Variants in CEP68 observed in about 807,000 individuals in gnomAD.
CEP68 encodes centrosomal protein of 68 kDa.
A neutral mutation model predicts 55.3 loss-of-function variants in CEP68; 26 were observed. The ratio of observed to expected loss-of-function variants is 0.47; its 90% CI spans 0.34 to 0.65. The LOEUF (loss-of-function observed/expected upper bound fraction) is 0.65, where lower values mean the gene tolerates loss of function less well. CEP68 is among the 30% of genes least tolerant of loss of function. CEP68 has a pLI of 0.01. For missense variants in CEP68, 957 were observed against 946.7 expected (o/e 1.01, Z -0.14); for synonymous variants, 402 against 383.2 (o/e 1.05, Z -0.57).
Position 65,071,625 on chromosome 2 carries a change from T to C in CEP68, c.529T>C (p.Cys177Arg), listed in dbSNP as rs1676466633. The change falls in exon 3 of 7, where the codon TGC becomes CGC. Residue 177 changes from cysteine to arginine, a missense_variant. Cys to Arg is a radical substitution (Grantham distance 180, BLOSUM62 -3). Coordinates refer to ENST00000377990, the MANE Select transcript of CEP68 (RefSeq NM_015147.3). ...GCAGCCTCACAGCTCAGGTCTCTCT[T>C]GCCTGTCACAGTGGAAGTCCGTGCT... ...SQQPHSSGLS[C>R]LSQWKSVLSP... 6.2e-7 allele frequency: 1 copy of C among 1,614,134 alleles called. No individual in the cohort carries two copies. The highest frequency in any genetic ancestry group is 2.2e-5 in the East Asian group (1 of 44,868).
intron 1 of CEP68, among the ~76,000 whole-genome samples, chr2:65,063,693 A>G (rs1201189382): frequency 6.6e-6 from 1 of 152,222 alleles, no homozygotes; most frequent in Non-Finnish European, 1.5e-5. Context: ...ATGCAGTGTT[A>G]CAGATGGCCA....
At position 65,073,295 on chromosome 2, in the gene CEP68, CCTAA is replaced by C. The variant is rs139855844; in HGVS notation, c.1884+318_1884+321del. 507 of 410,268 alleles carry C rather than the reference CCTAA, an allele frequency of 1.2e-3. 8 individuals carry two copies. In the East Asian group the frequency reaches 0.025, roughly 20 times the overall value. 25.4% of individuals were successfully genotyped at this position (410,268 alleles called of 1,614,324 possible). ...TCTTAGCCACTACCCTTGGCTGCTT[CCTAA>C]CTCAGAGGTATTCTGAACAAAAAAG... On this transcript the variant is annotated intron_variant, in intron 3 of 6. Coordinates refer to ENST00000377990, the MANE Select transcript of CEP68 (RefSeq NM_015147.3).
Position 65,072,536 on chromosome 2 carries a change from C to T in CEP68, c.1440C>T (p.Asp480=), listed in dbSNP as rs771219297. Residue 480 remains aspartate, a synonymous_variant, in exon 3 of 7, where the codon GAC becomes GAT. Coordinates refer to ENST00000377990, the MANE Select transcript of CEP68 (RefSeq NM_015147.3). The part of the protein sequence containing the change: ...WKSEEEVESD[D]EYLALPARLT... ...CAGAAGAGGAAGTGGAAAGTGATGA[C>T]GAGTATCTTGCCCTCCCCGCTCGGC... 18 of 1,613,918 alleles carry T rather than the reference C, an allele frequency of 1.1e-5. No individual in the cohort carries two copies. Among genetic ancestry groups the T allele is most frequent in the Middle Eastern group, 1.6e-4 (1 of 6,084 alleles).
chr2:65,070,238 CA>C (rs1490783752), intron 2 of CEP68, among the ~76,000 whole-genome samples: 1 of 152,284 alleles, frequency 6.6e-6, no homozygotes, highest in East Asian at 1.9e-4. Flanking sequence ...AGGGACATGT[CA>C]GAACCTTGGA....
In CEP68 at chr2:65,069,588, G is replaced by A; in HGVS notation, c.144G>A (p.Glu48=). 1.2e-6 allele frequency: 2 copies of A among 1,613,924 alleles called. No homozygotes were observed. Among genetic ancestry groups the A allele is most frequent in the Non-Finnish European group, 1.7e-6 (2 of 1,179,846 alleles). The change falls in exon 2 of 7, where the codon GAG becomes GAA. Residue 48 remains glutamate, a synonymous_variant. Coordinates refer to ENST00000377990, the MANE Select transcript of CEP68 (RefSeq NM_015147.3). ...AGCAGCCCCCACGCCTGGAAGCTGA[G>A]GGAGGGCTCATCTCCCCTGTATGGG... The part of the protein sequence containing the change: ...SGEQPPRLEA[E]GGLISPVWGA...
chr2:65,083,265 T>TA (rs1340320261), intron 6 of CEP68, among the ~76,000 whole-genome samples: 11 of 152,298 alleles, frequency 7.2e-5, no homozygotes, highest in African/African-American at 2.4e-4. Flanking sequence ...ATGGAGGGGT[T>TA]AAAGACACCT....
At chr2:65,075,392 G>T (rs1438106763) in intron 4 of CEP68, 1 of 152,132 alleles carries the variant, frequency 6.6e-6, no homozygotes, top group Non-Finnish European at 1.5e-5. Flanking sequence ...CACAGACCGA[G>T]ACCGTCTCAA....
chr2:65,064,390 C>T (rs1676056167), intron 1 of CEP68, among the ~76,000 whole-genome samples: 2 of 152,174 alleles, frequency 1.3e-5, no homozygotes, highest in African/African-American at 4.8e-5. Context: ...CAAGATCGCA[C>T]CCTTTAGTGA....
At chr2:65,080,443 C>T (rs1413274959) in intron 5 of CEP68, 1 of 985,282 alleles carries the variant, frequency 1.0e-6, no homozygotes, top group Non-Finnish European at 1.2e-6. Context: ...GTCCATAGAG[C>T]CAGCCTACAA....
chr2:65,058,851 T>C (rs773136136), intron 1 of CEP68, among the ~76,000 whole-genome samples: 20 of 152,278 alleles, frequency 1.3e-4, no homozygotes, highest in Non-Finnish European at 2.8e-4. Flanking sequence ...CCTGATTCTC[T>C]TTCCACAGTG....
chr2:65,061,192 A>T (rs748251256), intron 1 of CEP68, among the ~76,000 whole-genome samples: 1 of 152,152 alleles, frequency 6.6e-6, no homozygotes, highest in Non-Finnish European at 1.5e-5. Context: ...AAAGAAAAAA[A>T]AGGGCTACCT....
At chr2:65,058,305 G>A (rs1397835542) in intron 1 of CEP68, among the ~76,000 whole-genome samples, 1 of 151,634 alleles carries the variant, frequency 6.6e-6, no homozygotes, top group African/African-American at 2.4e-5. Context: ...TCCTGGGGTC[G>A]AGTCCCTCTC....
intron 3 of CEP68, 79 bp from the exon 4 acceptor site, chr2:65,074,203 C>G (rs1676648409): frequency 6.4e-7 from 1 of 1,551,032 alleles, no homozygotes; most frequent in African/African-American, 1.4e-5. Flanking sequence ...TCCAAGTCCT[C>G]CTGATATTTT....
chr2:65,079,873 C>T (rs1343991379), intron 5 of CEP68, among the ~76,000 whole-genome samples: 3 of 152,224 alleles, frequency 2.0e-5, no homozygotes, highest in African/African-American at 7.2e-5. Context: ...GTGGTTCACG[C>T]CTGTAATCCC....
At position 65,071,565 on chromosome 2, in the gene CEP68, C is replaced by G. The variant is rs1413231394; in HGVS notation, c.469C>G (p.Leu157Val). The part of the protein sequence containing the change: ...HDADTEDDPS[L>V]ADLPQALDLS... ...TGCTGATACCGAAGATGATCCATCC[C>G]TAGCAGATTTGCCCCAGGCACTGGA... The change falls in exon 3 of 7, where the codon CTA becomes GTA. Residue 157 changes from leucine (L) to valine (V), a missense_variant. Physicochemically the swap from Leu to Val is conservative, Grantham distance 32. Transcript: ENST00000377990. 3 of 1,614,212 alleles carry G rather than the reference C, an allele frequency of 1.9e-6. No homozygotes were observed. The highest frequency in any genetic ancestry group is 1.6e-4 in the Middle Eastern group (1 of 6,062).
At chr2:65,059,917 A>T (rs1675826921) in intron 1 of CEP68, among the ~76,000 whole-genome samples, 1 of 151,830 alleles carries the variant, frequency 6.6e-6, no homozygotes, top group Non-Finnish European at 1.5e-5. Flanking sequence ...TTTTAGAAGT[A>T]TTGGGTAAAT....
intron 1 of CEP68, among the ~76,000 whole-genome samples, chr2:65,068,757 G>A (rs1676316986): frequency 6.6e-6 from 1 of 152,186 alleles, no homozygotes; most frequent in African/African-American, 2.4e-5. Flanking sequence ...AGCCCAGGGA[G>A]GTCGAGGCTG....
In CEP68 at chr2:65,077,867, G is replaced by A; in HGVS notation, c.2008-1G>A. 2.5e-6 allele frequency: 4 copies of A among 1,608,472 alleles called. No individual in the cohort carries two copies. The highest frequency in any genetic ancestry group is 3.4e-6 in the Non-Finnish European group (4 of 1,176,904). ...CTTTTCTTTTTCTGATACGCCTTAA[G>A]CAATTTAAGAAAGATATAGATGAAC... On this transcript the variant is annotated splice_acceptor_variant, in intron 4 of 6. Coordinates refer to ENST00000377990, the MANE Select transcript of CEP68 (RefSeq NM_015147.3). LOFTEE classifies it high-confidence loss of function.
At chr2:65,065,997 A>G (rs1676148170) in intron 1 of CEP68, among the ~76,000 whole-genome samples, 2 of 151,384 alleles carry the variant, frequency 1.3e-5, no homozygotes, top group South Asian at 4.2e-4. Context: ...TTACCTGCTT[A>G]CTCAAATGGG....
Sources: allele counts gnomAD v4.1 joint callset (sites outside exome capture counted in the v4.1 genomes callset), GRCh38; gene constraint gnomAD v4.1.1; transcripts MANE v1.5; gene names NCBI Gene and HGNC (gene_info 2026-07-23, HGNC 2026-07-21).